PLCH1: variants seen among roughly 807,000 people sequenced by gnomAD.
The protein encoded by PLCH1 is phospholipase C eta 1.
A neutral mutation model predicts 126.7 loss-of-function variants in PLCH1; 60 were observed. The ratio of observed to expected loss-of-function variants is 0.47; its 90% confidence interval spans 0.38 to 0.59. PLCH1 has a LOEUF of 0.59. PLCH1 is among the 20% of genes least tolerant of loss of function. The pLI is 0.00. For synonymous variants in PLCH1, 719 were observed against 734.9 expected (o/e 0.98, Z 0.35); for missense variants, 1,723 against 2,040.0 (o/e 0.84, Z 2.99).
intron 2 of PLCH1, among the ~76,000 whole-genome samples, chr3:155,651,037 C>CAA (rs534834731): frequency 1.5e-5 from 2 of 131,780 alleles, no homozygotes; most frequent in South Asian, 2.4e-4. Context: ...GACTCCGTCT[C>CAA]AAAAAAAAAA....
intron 2 of PLCH1, among the ~76,000 whole-genome samples, chr3:155,695,518 TAAATA>T (rs1745726222): frequency 6.6e-6 from 1 of 152,234 alleles, no homozygotes; most frequent in Non-Finnish European, 1.5e-5. Flanking sequence ...TCTCCCCTAT[TAAATA>T]AAATATAGAA....
chr3:155,596,640 T>C (rs1733024152), intron 2 of PLCH1, among the ~76,000 whole-genome samples: 1 of 152,172 alleles, frequency 6.6e-6, no homozygotes, highest in South Asian at 2.1e-4. Context: ...GGCTATCTTC[T>C]GTTCTGTTTT....
chr3:155,491,295 A>G (rs1462777181), intron 18 of PLCH1, among the ~76,000 whole-genome samples: 9 of 152,050 alleles, frequency 5.9e-5, no homozygotes, highest in Non-Finnish European at 1.0e-4. Context: ...ATAGGGTCTT[A>G]CTCTGTAGCT....
chr3:155,625,471 A>T (rs1031548190), intron 2 of PLCH1, among the ~76,000 whole-genome samples: 1 of 152,236 alleles, frequency 6.6e-6, no homozygotes, highest in Admixed American at 6.5e-5. Flanking sequence ...AAAGAATGAG[A>T]GAAAATTTTT....
chr3:155,587,489 C>T (rs1269142037), intron 4 of PLCH1, among the ~76,000 whole-genome samples: 2 of 152,178 alleles, frequency 1.3e-5, no homozygotes, highest in African/African-American at 4.8e-5. Flanking sequence ...TTAGCACACT[C>T]TTCTACACAT....
Position 155,482,773 on chromosome 3 carries a change from CGGG to C in PLCH1, c.3250_3252del (p.Pro1084del). The C allele has an allele frequency of 6.2e-7, 1 of 1,614,114 alleles. No homozygotes were observed. Among genetic ancestry groups the C allele is most frequent in the Non-Finnish European group, 8.5e-7 (1 of 1,180,020 alleles). On this transcript the variant is annotated inframe_deletion, in exon 23 of 23. Transcript: ENST00000460012. Reference sequence around the variant, plus strand: ...TCTTGTGTGGGGTTAACTACAGGATCGGGAGCCAAATGCTGCTTTGGGGAGAGA... The same window carrying C: ...TCTTGTGTGGGGTTAACTACAGGATCAGCCAAATGCTGCTTTGGGGAGAGA...
chr3:155,649,115 C>T (rs986396951), intron 2 of PLCH1, among the ~76,000 whole-genome samples: 6 of 152,070 alleles, frequency 3.9e-5, no homozygotes, highest in Admixed American at 6.5e-5. Context: ...AAGAGGGGGG[C>T]TCAGAGGGCA....
chr3:155,613,256 T>A (rs1020659145), intron 2 of PLCH1, among the ~76,000 whole-genome samples: 1 of 152,168 alleles, frequency 6.6e-6, no homozygotes, highest in Non-Finnish European at 1.5e-5. Context: ...ATTGACACTA[T>A]TCCAAAAGAT....
chr3:155,552,526 C>T (rs950541090), intron 9 of PLCH1, among the ~76,000 whole-genome samples: 2 of 152,116 alleles, frequency 1.3e-5, no homozygotes, highest in Non-Finnish European at 2.9e-5. Context: ...ATCAGATAGA[C>T]TAACGGGGAA....
intron 2 of PLCH1, among the ~76,000 whole-genome samples, chr3:155,631,494 A>G (rs753612808): frequency 7.2e-5 from 11 of 152,220 alleles, no homozygotes; most frequent in Non-Finnish European, 1.2e-4. Context: ...CATTCAGTAC[A>G]GGAATGAACA....
At chr3:155,673,335 C>T (rs1466089288) in intron 2 of PLCH1, among the ~76,000 whole-genome samples, 3 of 152,026 alleles carry the variant, frequency 2.0e-5, no homozygotes, top group South Asian at 2.1e-4. Context: ...GAAGTTACTA[C>T]AAGAGAGCTA....
intron 2 of PLCH1, among the ~76,000 whole-genome samples, chr3:155,659,302 C>CTTTTTTTTTTTTTTTTTT (rs753258422): frequency 3.2e-5 from 1 of 30,848 alleles, no homozygotes; most frequent in African/African-American, 9.0e-5. Flanking sequence ...CTATTCACTT[C>CTTTTTTTTTTTTTTTTTT]TTTTTTTTTT....
intron 2 of PLCH1, among the ~76,000 whole-genome samples, chr3:155,673,048 CTTTTTTTTTTTTTT>C: frequency 1.5e-5 from 1 of 68,238 alleles, no homozygotes; most frequent in East Asian, 5.4e-4. Flanking sequence ...CTTCTGTTGC[CTTTTTTTTTTTTTT>C]TTTTTTTTTT....
At chr3:155,564,859 C>T (rs2108510453) in intron 8 of PLCH1, 56 bp downstream of exon 8, 4 of 1,100,138 alleles carry the variant, frequency 3.6e-6, no homozygotes, top group South Asian at 1.3e-5. Flanking sequence ...ACTCGACAGA[C>T]TGATTAAAGG....
chr3:155,493,782 A>G lies in PLCH1; in HGVS notation c.2182+359T>C, dbSNP rs369727865. ...TCAGGTGGAATTGAAGCTTCCCAGCAGGTCACAGACTCACATTACTTAAGA... is the reference window on the plus strand; with the variant it reads ...TCAGGTGGAATTGAAGCTTCCCAGCGGGTCACAGACTCACATTACTTAAGA... On this transcript the variant is annotated intron_variant, in intron 17 of 22. Coordinates refer to ENST00000460012, the MANE Select transcript of PLCH1 (RefSeq NM_014996.4). 2.0e-5 allele frequency among the ~76,000 whole-genome samples: 3 copies of G among 152,346 alleles called. No homozygotes were observed. The East Asian group carries it at 5.8e-4, about 29-fold the overall frequency.
intron 15 of PLCH1, among the ~76,000 whole-genome samples, chr3:155,496,982 T>G (rs1291318190): frequency 6.6e-6 from 1 of 152,268 alleles, no homozygotes; most frequent in African/African-American, 2.4e-5. Flanking sequence ...AATGGCCATC[T>G]GTGACCTGGT....
At chr3:155,473,125 G>C (rs1253198906) in intron 21 of PLCH1, among the ~76,000 whole-genome samples, 4 of 144,098 alleles carry the variant, frequency 2.8e-5, no homozygotes, top group Non-Finnish European at 4.5e-5. Context: ...ATTAGGAAAA[G>C]AGGAAGTCAA....
At chr3:155,596,162 A>C in intron 3 of PLCH1, 70 bp downstream of exon 3, 1 of 1,135,870 alleles carries the variant, frequency 8.8e-7, no homozygotes, top group Non-Finnish European at 1.3e-6. Flanking sequence ...CTGAAGCTTC[A>C]AGAGCCCACT....
intron 6 of PLCH1, among the ~76,000 whole-genome samples, chr3:155,569,432 G>A (rs1239302016): frequency 1.3e-5 from 2 of 152,058 alleles, no homozygotes; most frequent in East Asian, 1.9e-4. Context: ...TTTTTTGTCA[G>A]TTCAAAAGAA....
Sources: gnomAD v4.1 joint callset for allele counts (sites outside exome capture counted in the v4.1 genomes callset) on GRCh38, gnomAD v4.1.1 for gene constraint, MANE v1.5 for transcripts, NCBI Gene and HGNC (gene_info 2026-07-23, HGNC 2026-07-21) for gene names.